The following SHISA9 variants were observed in gnomAD, a reference collection of about 807,000 sequenced individuals.
The protein encoded by SHISA9 is protein shisa-9.
In SHISA9, 13 loss-of-function variants were observed where a neutral mutation model predicts 38.0. The observed-to-expected ratio is 0.34, with a 90% confidence interval of 0.22 to 0.54. The LOEUF is 0.54. Ranked by LOEUF, SHISA9 falls within the 20% of genes least tolerant of loss-of-function variation. The pLI, the probability that SHISA9 is intolerant of heterozygous loss-of-function variation, is 0.91. For missense variants in SHISA9, 538 were observed against 575.8 expected (o/e 0.93, Z 0.67); for synonymous variants, 275 against 242.0 (o/e 1.14, Z -1.27).
At chr16:13,480,781 A>G in the SHISA9 span, among the ~76,000 whole-genome samples, 1 of 152,070 alleles carries the variant, frequency 6.6e-6, no homozygotes, top group Non-Finnish European at 1.5e-5. Context: ...AAAACCAGTG[A>G]TCCCTTTGCT....
chr16:13,380,016 A>G, the SHISA9 span, among the ~76,000 whole-genome samples: 16 of 152,088 alleles, frequency 1.1e-4, no homozygotes, highest in Admixed American at 1.3e-4. Flanking sequence ...TTAAAGAATT[A>G]AATAAGCATA....
the SHISA9 span, among the ~76,000 whole-genome samples, chr16:13,449,289 G>A: frequency 6.6e-6 from 1 of 152,146 alleles, no homozygotes; most frequent in African/African-American, 2.4e-5. Context: ...AAAATGTTCA[G>A]GCCATAAGAT....
chr16:13,421,046 C>T, the SHISA9 span, among the ~76,000 whole-genome samples: 46 of 152,248 alleles, frequency 3.0e-4, 1 homozygote, highest in South Asian at 9.6e-3. Context: ...ATTAAACTGG[C>T]ACCAATTAAT....
At chr16:13,072,605 C>G (rs750576229) in intron 2 of SHISA9, among the ~76,000 whole-genome samples, 20 of 152,212 alleles carry the variant, frequency 1.3e-4, no homozygotes, top group Non-Finnish European at 2.4e-4. Context: ...CTTTCAAGAC[C>G]TATGATCAAG....
the SHISA9 span, among the ~76,000 whole-genome samples, chr16:13,525,574 A>G: frequency 2.0e-5 from 3 of 152,190 alleles, no homozygotes; most frequent in Admixed American, 1.3e-4. Context: ...CTCAAAACAC[A>G]TTACAATTTC....
intron 2 of SHISA9, among the ~76,000 whole-genome samples, chr16:12,920,673 T>C (rs2071316381): frequency 6.6e-6 from 1 of 152,146 alleles, no homozygotes; most frequent in East Asian, 1.9e-4. Context: ...CAAAAGATAG[T>C]ACACAGAGTT....
intron 3 of SHISA9, among the ~76,000 whole-genome samples, chr16:13,204,170 T>C (rs1627039): frequency 0.033 from 3,737 of 112,878 alleles, 72 homozygotes; most frequent in East Asian, 0.14. Flanking sequence ...ATCTATCTAT[T>C]TATCTATCAT....
the SHISA9 span, among the ~76,000 whole-genome samples, chr16:13,455,473 C>G: frequency 2.0e-5 from 3 of 152,158 alleles, no homozygotes; most frequent in African/African-American, 7.2e-5. Flanking sequence ...AAAAAAGTGA[C>G]ACAAATGTTC....
At chr16:12,956,159 T>A (rs1167394597) in intron 2 of SHISA9, among the ~76,000 whole-genome samples, 3 of 152,124 alleles carry the variant, frequency 2.0e-5, no homozygotes, top group Non-Finnish European at 4.4e-5. Context: ...ATTAGAGAAA[T>A]GTGAATTAAA....
At chr16:13,373,212 TACAA>T in the SHISA9 span, among the ~76,000 whole-genome samples, 1 of 152,230 alleles carries the variant, frequency 6.6e-6, no homozygotes, top group African/African-American at 2.4e-5. Context: ...TCCTAATTGA[TACAA>T]ACTGTTTCAA....
chr16:13,147,601 T>C (rs894062433), intron 2 of SHISA9, among the ~76,000 whole-genome samples: 8 of 151,820 alleles, frequency 5.3e-5, no homozygotes, highest in African/African-American at 1.9e-4. Context: ...TAGCTGGGAC[T>C]ACAGGTGCAC....
chr16:13,229,783 G>A (rs1198668575), intron 4 of SHISA9, among the ~76,000 whole-genome samples: 2 of 152,200 alleles, frequency 1.3e-5, no homozygotes, highest in Non-Finnish European at 2.9e-5. Context: ...TTATGATGGA[G>A]AGAGCAGGGG....
At chr16:13,225,025 T>C (rs141452560) in intron 4 of SHISA9, among the ~76,000 whole-genome samples, 12 of 152,242 alleles carry the variant, frequency 7.9e-5, no homozygotes, top group Middle Eastern at 3.4e-3. Flanking sequence ...GTTGAGGATA[T>C]ATTGAATTAA....
At chr16:13,359,777 G>T in the SHISA9 span, among the ~76,000 whole-genome samples, 5 of 152,142 alleles carry the variant, frequency 3.3e-5, no homozygotes, top group African/African-American at 4.8e-5. Flanking sequence ...TGTGAAGCAG[G>T]TTCACTGTGC....
the SHISA9 span, among the ~76,000 whole-genome samples, chr16:13,440,205 T>C: frequency 1.3e-5 from 2 of 152,214 alleles, no homozygotes; most frequent in African/African-American, 4.8e-5. Flanking sequence ...TCATTCTGAA[T>C]ACTTGGGGGC....
chr16:13,363,358 C>G, the SHISA9 span, among the ~76,000 whole-genome samples: 1 of 152,184 alleles, frequency 6.6e-6, no homozygotes, highest in Non-Finnish European at 1.5e-5. Context: ...ATTCCAGGTG[C>G]TTGGCACAAT....
intron 2 of SHISA9, among the ~76,000 whole-genome samples, chr16:13,144,156 TC>T (rs1224380242): frequency 6.7e-6 from 1 of 150,316 alleles, no homozygotes; most frequent in Non-Finnish European, 1.5e-5. Context: ...AGGGGCTAGT[TC>T]TTTTTTTTTT....
At chr16:12,956,156 A>T (rs963719660) in intron 2 of SHISA9, among the ~76,000 whole-genome samples, 1 of 152,226 alleles carries the variant, frequency 6.6e-6, no homozygotes, top group African/African-American at 2.4e-5. Flanking sequence ...ATCATTAGAG[A>T]AATGTGAATT....
chr16:13,213,417 G>T, intron 4 of SHISA9, 117 bp downstream of exon 4: 1 of 928,408 alleles, frequency 1.1e-6, no homozygotes, highest in Non-Finnish European at 1.7e-6. Flanking sequence ...TGTCTGCATA[G>T]GGTGGCATCT....
Sources: allele counts gnomAD v4.1 joint callset (sites outside exome capture counted in the v4.1 genomes callset), GRCh38; gene constraint gnomAD v4.1.1; transcripts MANE v1.5; gene names NCBI Gene and HGNC (gene_info 2026-07-23, HGNC 2026-07-21).